GRIP2: variants seen among roughly 807,000 people sequenced by gnomAD.
GRIP2 encodes the protein glutamate receptor interacting protein 2.
GRIP2 carries 58 observed loss-of-function variants against 108.3 expected under a neutral mutation model. The ratio of observed to expected loss-of-function variants is 0.54; its 90% CI spans 0.43 to 0.67. The LOEUF is 0.67. GRIP2 is among the 30% of genes least tolerant of loss of function. The pLI is 0.00. For synonymous variants in GRIP2, 586 were observed against 598.2 expected, an observed-to-expected ratio of 0.98 and a Z score of 0.30; for missense variants, 1,278 against 1,430.6, an observed-to-expected ratio of 0.89 and a Z score of 1.72.
chr3:14,508,672 GCTGAGCCCCTCAAATGTGA>G (rs1208526570), intron 17 of GRIP2, among the ~76,000 whole-genome samples: 1 of 152,098 alleles, frequency 6.6e-6, no homozygotes, highest in African/African-American at 2.4e-5. Flanking sequence ...ACAGGTGGCT[GCTGAGCCCCTCAAATGTGA>G]CTGCCCAAAT....
intron 1 of GRIP2, among the ~76,000 whole-genome samples, chr3:14,549,242 G>A (rs907848392): frequency 3.3e-5 from 5 of 152,244 alleles, no homozygotes; most frequent in Non-Finnish European, 1.5e-5. Flanking sequence ...GTAGTTCAAT[G>A]CAGGAATCCT....
rs1384679428 is a variant in GRIP2, at chr3:14,507,463, G to A, written c.2218+98C>T. On this transcript the variant is annotated intron_variant, in intron 18 of 23. Coordinates refer to ENST00000621039, the MANE Select transcript of GRIP2 (RefSeq NM_001080423.4). The surrounding 1 kb of genome is among the most constrained non-coding windows in gnomAD (Gnocchi z 4.6). ...GCAGGCCCGCCTCCACAGGGCTGCA[G>A]TGAGGACTCTGTGAGGGTGTGCAGG... The A allele has an allele frequency of 4.1e-6, 6 of 1,450,300 alleles. No individual in the cohort carries two copies. The highest frequency in any genetic ancestry group is 1.8e-5 in the Admixed American group (1 of 56,470). 89.8% of individuals were successfully genotyped at this position (1,450,300 alleles called of 1,614,324 possible). A position where few individuals can be genotyped will look rare whatever the true frequency, so the allele number is the denominator to read the frequency against.
chr3:14,548,397 A>C (rs1241709152), intron 1 of GRIP2, among the ~76,000 whole-genome samples: 1 of 152,116 alleles, frequency 6.6e-6, no homozygotes, highest in African/African-American at 2.4e-5. Flanking sequence ...AGCTGTACAC[A>C]GGCCAAGCCG....
the GRIP2 span, chr3:14,574,356 TG>T: frequency 1.0e-6 from 1 of 971,094 alleles, no homozygotes; most frequent in Non-Finnish European, 1.6e-6. Context: ...AGCGATGCGC[TG>T]GTTCCGCCGC....
the GRIP2 span, among the ~76,000 whole-genome samples, chr3:14,586,944 A>G: frequency 2.0e-5 from 3 of 152,252 alleles, no homozygotes; most frequent in African/African-American, 7.2e-5. Flanking sequence ...TGTGTGTGGT[A>G]TGACAGCAAC....
chr3:14,571,509 C>T, the GRIP2 span, among the ~76,000 whole-genome samples: 37 of 152,258 alleles, frequency 2.4e-4, no homozygotes, highest in Middle Eastern at 3.4e-3. Flanking sequence ...CCCAAGACAC[C>T]GGGGCACAGA....
chr3:14,520,969 CT>C (rs1694391816), intron 7 of GRIP2: 2 of 198,876 alleles, frequency 1.0e-5, no homozygotes, highest in Admixed American at 1.1e-4. Context: ...ATGTCTAAAT[CT>C]CAGCAGATCA....
At chr3:14,494,741 A>G (rs1693532901) in intron 23 of GRIP2, 102 bp downstream of exon 23, 1 of 1,373,224 alleles carries the variant, frequency 7.3e-7, no homozygotes, top group Non-Finnish European at 9.6e-7. Context: ...TCAGACTTGC[A>G]TTGTCCTGCC....
the GRIP2 span, among the ~76,000 whole-genome samples, chr3:14,583,836 G>A: frequency 2.8e-3 from 428 of 152,298 alleles, 2 homozygotes; most frequent in Non-Finnish European, 5.0e-3. Context: ...AACCACCAGT[G>A]TACGCCAAGT....
intron 1 of GRIP2, among the ~76,000 whole-genome samples, chr3:14,537,998 C>T (rs1403343748): frequency 6.6e-6 from 1 of 152,234 alleles, no homozygotes; most frequent in Non-Finnish European, 1.5e-5. Context: ...AGATAGGTCA[C>T]AGTCCCTTCC....
At chr3:14,554,298 C>G (rs1358350995) in intron 1 of GRIP2, among the ~76,000 whole-genome samples, 4 of 152,188 alleles carry the variant, frequency 2.6e-5, no homozygotes, top group Non-Finnish European at 5.9e-5. Context: ...AGATGCAGAG[C>G]CTGATCCACA....
At chr3:14,555,843 C>T (rs1695229216) in intron 1 of GRIP2, 1 of 399,096 alleles carries the variant, frequency 2.5e-6, no homozygotes, top group Non-Finnish European at 4.4e-6. Context: ...TGAGGACAGG[C>T]AGGGAGCCTG....
chr3:14,570,023 C>G, the GRIP2 span, among the ~76,000 whole-genome samples: 30 of 152,294 alleles, frequency 2.0e-4, no homozygotes, highest in African/African-American at 7.2e-4. Context: ...AGGTCACCTA[C>G]TTGGCTAGTG....
Position 14,506,983 on chromosome 3 carries a change from G to A in GRIP2, c.2219-3C>T. ...CGACTTGCGGGGTAGGAGGGGACCT[G>A]GGAGGAGAGAGGGGTGTCAATTCTG... On this transcript the variant is annotated splice_polypyrimidine_tract_variant and splice_region_variant and intron_variant, in intron 18 of 23. Transcript: ENST00000621039. 6.3e-7 allele frequency: 1 copy of A among 1,595,928 alleles called. No individual in the cohort carries two copies. The highest frequency in any genetic ancestry group is 8.5e-7 in the Non-Finnish European group (1 of 1,170,780).
chr3:14,523,930 C>T (rs185969904), intron 4 of GRIP2: 26 of 551,810 alleles, frequency 4.7e-5, no homozygotes, highest in South Asian at 1.2e-4. Context: ...CTCACAGAGA[C>T]GACGGCAGAA....
chr3:14,551,918 G>A (rs138451220), intron 1 of GRIP2, among the ~76,000 whole-genome samples: 109 of 152,238 alleles, frequency 7.2e-4, no homozygotes, highest in African/African-American at 2.5e-3. Flanking sequence ...CTGTTGCAAG[G>A]GTGAGAAAGT....
At chr3:14,577,827 GCTTAAACAGTGTCCC>G in the GRIP2 span, among the ~76,000 whole-genome samples, 11 of 152,324 alleles carry the variant, frequency 7.2e-5, no homozygotes, top group South Asian at 2.1e-3. Flanking sequence ...CACAGTGGAT[GCTTAAACAGTGTCCC>G]TCTGCCCTGA....
chr3:14,528,875 G>A (rs1003512600), intron 1 of GRIP2, among the ~76,000 whole-genome samples: 1 of 152,094 alleles, frequency 6.6e-6, no homozygotes, highest in Non-Finnish European at 1.5e-5. Context: ...TTGTTTCCTT[G>A]TTATTGAGTT....
intron 10 of GRIP2, among the ~76,000 whole-genome samples, chr3:14,517,557 G>A (rs114493226): frequency 0.021 from 2,984 of 143,946 alleles, 85 homozygotes; most frequent in African/African-American, 0.055. Context: ...GCTGAAGTGC[G>A]GCGGTGTGAT....
Sources: allele counts gnomAD v4.1 joint callset (sites outside exome capture counted in the v4.1 genomes callset), GRCh38; gene constraint gnomAD v4.1.1; non-coding constraint Gnocchi (gnomAD v3.1); transcripts MANE v1.5; gene names NCBI Gene and HGNC (gene_info 2026-07-23, HGNC 2026-07-21).